Variants in TRPC3 observed in about 807,000 individuals in gnomAD.
TRPC3 encodes short transient receptor potential channel 3.
TRPC3 carries 54 observed loss-of-function variants against 90.9 expected under a neutral mutation model. The observed-to-expected ratio is 0.59, with a 90% confidence interval of 0.48 to 0.75. The LOEUF (loss-of-function observed/expected upper bound fraction) is 0.75. Among genes scored for constraint, TRPC3 ranks in the 30% least tolerant of loss-of-function variants. TRPC3 has a pLI of 0.00. For synonymous variants in TRPC3, 424 were observed against 450.9 expected (o/e 0.94, Z 0.75); for missense variants, 918 against 1,194.5 (o/e 0.77, Z 3.41).
intron 2 of TRPC3, 112 bp from the exon 3 acceptor site, chr4:121,925,318 GC>G: frequency 8.7e-7 from 1 of 1,148,506 alleles, no homozygotes; most frequent in Non-Finnish European, 1.2e-6. Context: ...GAAAGCTGCA[GC>G]CCACCTGGAT....
chr4:121,903,956 C>T (rs1728794672), intron 8 of TRPC3, among the ~76,000 whole-genome samples: 1 of 152,138 alleles, frequency 6.6e-6, no homozygotes, highest in African/African-American at 2.4e-5. Flanking sequence ...ATAAAGAATA[C>T]CATTAGTGTT....
chr4:121,889,639 A>G (rs1287508905), intron 10 of TRPC3, among the ~76,000 whole-genome samples: 1 of 152,232 alleles, frequency 6.6e-6, no homozygotes, highest in African/African-American at 2.4e-5. Context: ...TAAAATTAGT[A>G]CAGCCATTAC....
At chr4:121,918,240 G>A (rs1729387094) in intron 3 of TRPC3, among the ~76,000 whole-genome samples, 1 of 152,070 alleles carries the variant, frequency 6.6e-6, no homozygotes, top group Non-Finnish European at 1.5e-5. Context: ...CCTTGATCTT[G>A]GACTTCCCAG....
chr4:121,896,746 T>G (rs1018027375), intron 10 of TRPC3, among the ~76,000 whole-genome samples: 11 of 152,016 alleles, frequency 7.2e-5, no homozygotes, highest in Admixed American at 2.0e-4. Flanking sequence ...TCAATGCAAC[T>G]CCTATCAAAA....
chr4:121,929,634 T>A (rs1259113318), intron 2 of TRPC3, among the ~76,000 whole-genome samples: 1 of 152,156 alleles, frequency 6.6e-6, no homozygotes, highest in Non-Finnish European at 1.5e-5. Flanking sequence ...TAAATCTGTA[T>A]CCTAGAATAT....
intron 2 of TRPC3, chr4:121,930,830 TAAAAAAAA>T: frequency 4.9e-6 from 1 of 202,742 alleles, no homozygotes; most frequent in South Asian, 4.1e-5. Context: ...CTCTGAGATC[TAAAAAAAA>T]AAAAAAAAAA....
At chr4:121,926,425 T>C (rs918826684) in intron 2 of TRPC3, among the ~76,000 whole-genome samples, 1 of 138,760 alleles carries the variant, frequency 7.2e-6, no homozygotes, top group African/African-American at 2.7e-5. Context: ...TTTTTTTTTT[T>C]AGATGGAGTC....
chr4:121,910,129 G>A, intron 6 of TRPC3, 25 bp downstream of exon 6: 3 of 1,598,632 alleles, frequency 1.9e-6, no homozygotes, highest in Non-Finnish European at 2.6e-6. Flanking sequence ...CAAAACACAA[G>A]GGGACCCTGA....
intron 3 of TRPC3, among the ~76,000 whole-genome samples, chr4:121,923,573 G>T (rs551657139): frequency 6.6e-6 from 1 of 152,210 alleles, no homozygotes; most frequent in African/African-American, 2.4e-5. Flanking sequence ...AATACTTATT[G>T]AGAAATCACC....
At chr4:121,887,325 T>C (rs1728158324) in intron 10 of TRPC3, among the ~76,000 whole-genome samples, 1 of 152,238 alleles carries the variant, frequency 6.6e-6, no homozygotes, top group African/African-American at 2.4e-5. Context: ...CTACTTATAC[T>C]TTCCTTTCCT....
At chr4:121,950,835 TCCAGTTTTACCCCAAATGTGACTGAACC>T in intron 1 of TRPC3, 1 of 152,380 alleles carries the variant, frequency 6.6e-6, no homozygotes, top group East Asian at 1.9e-4. Flanking sequence ...GGGCTTCGGT[TCCAGTTTTACCCCAAATGTGACTGAACC>T]ACAGAGAGAC....
chr4:121,883,988 T>G (rs554896999), intron 10 of TRPC3, among the ~76,000 whole-genome samples: 2 of 152,276 alleles, frequency 1.3e-5, no homozygotes, highest in South Asian at 4.1e-4. Flanking sequence ...ACAATGTTTG[T>G]AGCAACCCTG....
intron 9 of TRPC3, among the ~76,000 whole-genome samples, chr4:121,901,347 G>C (rs577694691): frequency 3.3e-5 from 5 of 152,294 alleles, no homozygotes; most frequent in South Asian, 4.1e-4. Flanking sequence ...ACACCTCGCT[G>C]AGAGGAAGTG....
intron 10 of TRPC3, among the ~76,000 whole-genome samples, chr4:121,892,409 T>C (rs1173779900): frequency 6.6e-6 from 1 of 152,172 alleles, no homozygotes; most frequent in East Asian, 1.9e-4. Flanking sequence ...CTCTATCACT[T>C]TCTAACTGTA....
At chr4:121,904,591 G>C (rs1728818386) in intron 7 of TRPC3, 74 bp from the exon 8 acceptor site, 1 of 1,210,362 alleles carries the variant, frequency 8.3e-7, no homozygotes, top group African/African-American at 1.6e-5. Context: ...TAAAAAACAA[G>C]TTAGGGTTTA....
chr4:121,914,039 GGCAGT>G (rs1729206751), intron 4 of TRPC3, among the ~76,000 whole-genome samples: 1 of 152,188 alleles, frequency 6.6e-6, no homozygotes, highest in Non-Finnish European at 1.5e-5. Flanking sequence ...CCTTCTCTCT[GGCAGT>G]GCCTGTAATA....
chr4:121,943,209 C>T (rs1431496059), intron 1 of TRPC3, among the ~76,000 whole-genome samples: 1 of 152,034 alleles, frequency 6.6e-6, no homozygotes, highest in Non-Finnish European at 1.5e-5. Context: ...TACAGAATAC[C>T]CCTAGTCACA....
chr4:121,940,043 C>A (rs892649169), intron 1 of TRPC3, among the ~76,000 whole-genome samples: 1 of 152,136 alleles, frequency 6.6e-6, no homozygotes, highest in Non-Finnish European at 1.5e-5. Flanking sequence ...GTCAGCCTCC[C>A]GGCCTCTTTC....
At chr4:121,910,130 G>A (rs1284416989) in intron 6 of TRPC3, 24 bp downstream of exon 6, 5 of 1,599,796 alleles carry the variant, frequency 3.1e-6, no homozygotes, top group Non-Finnish European at 4.3e-6. Context: ...AAAACACAAG[G>A]GGACCCTGAA....
Sources: allele counts gnomAD v4.1 joint callset (sites outside exome capture counted in the v4.1 genomes callset), GRCh38; gene constraint gnomAD v4.1.1; transcripts MANE v1.5; gene names NCBI Gene and HGNC (gene_info 2026-07-23, HGNC 2026-07-21).